SMYD3: variants seen among roughly 807,000 people sequenced by gnomAD.
SMYD3 encodes the protein SET and MYND domain containing 3, also known as histone-lysine N-methyltransferase SMYD3.
In SMYD3, 36 loss-of-function variants were observed where a neutral mutation model predicts 57.7. The observed-to-expected ratio is 0.62, with a 90% CI of 0.48 to 0.82. SMYD3 has a LOEUF of 0.82. Ranked by LOEUF, SMYD3 falls within the 40% of genes least tolerant of loss-of-function variation. SMYD3 has a pLI of 0.00. For missense variants in SMYD3, 515 were observed against 538.8 expected, an observed-to-expected ratio of 0.96 and a Z score of 0.44; for synonymous variants, 211 against 195.0, an observed-to-expected ratio of 1.08 and a Z score of -0.68.
chr1:246,298,726 G>C (rs1238786049), intron 5 of SMYD3, among the ~76,000 whole-genome samples: 3 of 151,778 alleles, frequency 2.0e-5, no homozygotes, highest in African/African-American at 7.3e-5. Flanking sequence ...TATAAAGAAG[G>C]AACAGCTCTA....
chr1:245,822,289 T>C (rs930391572), intron 10 of SMYD3, among the ~76,000 whole-genome samples: 7 of 149,086 alleles, frequency 4.7e-5, no homozygotes, highest in South Asian at 2.1e-4. Flanking sequence ...CAGTAAACTA[T>C]CGCAAGAACA....
intron 5 of SMYD3, among the ~76,000 whole-genome samples, chr1:246,275,823 T>C (rs1373132966): frequency 6.6e-6 from 1 of 151,556 alleles, no homozygotes; most frequent in Non-Finnish European, 1.5e-5. Context: ...ATGCCTCTAG[T>C]GGAGTCTGAT....
At chr1:245,853,393 A>T (rs1236818594) in intron 10 of SMYD3, among the ~76,000 whole-genome samples, 1 of 152,242 alleles carries the variant, frequency 6.6e-6, no homozygotes, top group Non-Finnish European at 1.5e-5. Context: ...TGGGAGAGGC[A>T]GACCCAAAGC....
intron 5 of SMYD3, among the ~76,000 whole-genome samples, chr1:246,298,204 AAAGAGCAAGAGC>A (rs752996452): frequency 3.2e-4 from 48 of 151,246 alleles, no homozygotes; most frequent in Admixed American, 1.3e-3. Flanking sequence ...AAACATTCAT[AAAGAGCAAGAGC>A]ACACTGAGGT....
chr1:246,031,397 A>G (rs193142032), intron 5 of SMYD3, among the ~76,000 whole-genome samples: 2 of 152,308 alleles, frequency 1.3e-5, no homozygotes, highest in African/African-American at 4.8e-5. Flanking sequence ...CATTATTACA[A>G]TAGAAATAAC....
intron 5 of SMYD3, among the ~76,000 whole-genome samples, chr1:245,958,831 G>A (rs867804548): frequency 1.3e-5 from 2 of 152,202 alleles, no homozygotes; most frequent in Non-Finnish European, 1.5e-5. Context: ...CACCCTGGGG[G>A]AGTGGGCTAT....
intron 7 of SMYD3, among the ~76,000 whole-genome samples, chr1:245,923,014 A>T (rs1433089455): frequency 3.3e-5 from 5 of 152,124 alleles, no homozygotes; most frequent in Admixed American, 2.6e-4. Flanking sequence ...CCCTATAAAT[A>T]TTCCCTATCA....
intron 8 of SMYD3, among the ~76,000 whole-genome samples, chr1:245,864,267 C>A (rs1465728714): frequency 6.6e-6 from 1 of 152,098 alleles, no homozygotes; most frequent in Admixed American, 6.5e-5. Flanking sequence ...AGGTATCTAC[C>A]CAAGATAAAT....
intron 5 of SMYD3, among the ~76,000 whole-genome samples, chr1:246,304,636 G>A (rs2064949647): frequency 6.6e-6 from 1 of 152,136 alleles, no homozygotes. Flanking sequence ...GCTAGAGTTT[G>A]GAGTTTTCTC....
chr1:245,804,424 T>C (rs940343287), intron 10 of SMYD3, among the ~76,000 whole-genome samples: 2 of 151,894 alleles, frequency 1.3e-5, no homozygotes, highest in Non-Finnish European at 2.9e-5. Flanking sequence ...CTACTAAAAA[T>C]ACGGGCGCCT....
intron 5 of SMYD3, among the ~76,000 whole-genome samples, chr1:246,298,963 G>A (rs1005766111): frequency 4.6e-5 from 7 of 152,104 alleles, no homozygotes; most frequent in East Asian, 1.9e-4. Flanking sequence ...ACAGTATCCC[G>A]TACTAGCAAG....
chr1:246,404,244 G>T (rs2066822161), intron 1 of SMYD3, among the ~76,000 whole-genome samples: 1 of 152,206 alleles, frequency 6.6e-6, no homozygotes, highest in Non-Finnish European at 1.5e-5. Context: ...TTTTGTTTTT[G>T]TGTGTTGAGG....
intron 1 of SMYD3, among the ~76,000 whole-genome samples, chr1:246,439,818 C>T (rs780935533): frequency 2.0e-5 from 3 of 152,014 alleles, no homozygotes; most frequent in Non-Finnish European, 4.4e-5. Flanking sequence ...GGAGTGGTGG[C>T]GTGCCCCTAT....
At chr1:245,986,903 C>A (rs1169346589) in intron 5 of SMYD3, among the ~76,000 whole-genome samples, 1 of 152,148 alleles carries the variant, frequency 6.6e-6, no homozygotes, top group Non-Finnish European at 1.5e-5. Context: ...TTTGAAAATC[C>A]AGAGACAAAT....
intron 5 of SMYD3, among the ~76,000 whole-genome samples, chr1:246,299,579 T>G (rs1200570400): frequency 6.6e-6 from 1 of 152,130 alleles, no homozygotes; most frequent in Non-Finnish European, 1.5e-5. Context: ...AGAAAAAGCA[T>G]GGACACCCTA....
intron 5 of SMYD3, among the ~76,000 whole-genome samples, chr1:245,972,699 G>A (rs1170153560): frequency 6.6e-6 from 1 of 152,236 alleles, no homozygotes; most frequent in East Asian, 1.9e-4. Flanking sequence ...TGCTTCTGGA[G>A]CTAAGCCTTG....
At chr1:246,326,487 C>A (rs1416804453) in intron 5 of SMYD3, 2 of 591,594 alleles carry the variant, frequency 3.4e-6, no homozygotes, top group Admixed American at 3.3e-5. Flanking sequence ...AAAAATACTT[C>A]AGGAGGCCGG....
intron 1 of SMYD3, 54 bp downstream of exon 1, chr1:246,507,000 C>CCCAGCACCCCACACAG: frequency 5.3e-6 from 6 of 1,139,162 alleles, no homozygotes; most frequent in Non-Finnish European, 7.1e-6. Context: ...CCCCCCCCTC[C>CCCAGCACCCCACACAG]CCAGCACCCC....
intron 5 of SMYD3, among the ~76,000 whole-genome samples, chr1:246,161,601 C>T (rs552748272): frequency 1.4e-4 from 21 of 152,230 alleles, no homozygotes; most frequent in African/African-American, 4.1e-4. Flanking sequence ...TTTCTTTCTC[C>T]GCGAATAGAT....
Sources: gnomAD v4.1 joint callset for allele counts (sites outside exome capture counted in the v4.1 genomes callset) on GRCh38, gnomAD v4.1.1 for gene constraint, MANE v1.5 for transcripts, NCBI Gene and HGNC (gene_info 2026-07-23, HGNC 2026-07-21) for gene names.